Variants in SYNE1 observed in about 807,000 individuals in gnomAD.
SYNE1 encodes the protein spectrin repeat containing nuclear envelope protein 1, also known as nesprin-1.
In SYNE1, 616 loss-of-function variants were observed where a neutral mutation model predicts 1,111.0. That is an observed-to-expected ratio of 0.55 (90% CI 0.52 to 0.59). The LOEUF (loss-of-function observed/expected upper bound fraction) is 0.59, where lower values mean the gene tolerates loss of function less well. Ranked by LOEUF, SYNE1 falls within the 20% of genes least tolerant of loss-of-function variation. SYNE1 has a pLI of 0.00. For missense variants in SYNE1, 10,006 were observed against 10,417.0 expected (o/e 0.96, Z 1.72); for synonymous variants, 3,855 against 3,825.8 (o/e 1.01, Z -0.28).
chr6:152,251,827 G>A (rs2089383370), intron 104 of SYNE1, among the ~76,000 whole-genome samples: 2 of 152,078 alleles, frequency 1.3e-5, no homozygotes, highest in South Asian at 2.1e-4. Context: ...TTACACTTGC[G>A]ATACAACAGG....
At chr6:152,556,707 G>A (rs1008536694) in intron 3 of SYNE1, among the ~76,000 whole-genome samples, 14 of 152,152 alleles carry the variant, frequency 9.2e-5, no homozygotes, top group South Asian at 2.1e-4. Flanking sequence ...GTCCCCTGAC[G>A]AAAACATCAG....
In SYNE1 at chr6:152,444,447, A is replaced by AT; in HGVS notation, c.3800dup (p.Asn1267LysfsTer4). The AT allele has an allele frequency of 6.2e-7, 1 of 1,613,936 alleles. No individual in the cohort carries two copies. The highest frequency in any genetic ancestry group is 8.5e-7 in the Non-Finnish European group (1 of 1,179,940). Reference sequence around the variant, plus strand: ...GAAGTAACTGCTGTGCTTCAAACAGATTTTCAGTATCCAAGATCTTCTCAG... The same window carrying AT: ...GAAGTAACTGCTGTGCTTCAAACAGATTTTTCAGTATCCAAGATCTTCTCAG... On this transcript the variant is annotated frameshift_variant, in exon 30 of 146. Transcript: ENST00000367255. LOFTEE classifies it high-confidence loss of function.
At chr6:152,353,532 G>C (rs1371642827) in intron 68 of SYNE1, 57 bp downstream of exon 68, 6 of 1,613,762 alleles carry the variant, frequency 3.7e-6, no homozygotes, top group East Asian at 2.2e-5. Context: ...TGAAAGGAAG[G>C]CTATTTTGGC....
chr6:152,289,925 CTTT>C (rs71017532), intron 95 of SYNE1, among the ~76,000 whole-genome samples: 2,135 of 129,930 alleles, frequency 0.016, 68 homozygotes, highest in African/African-American at 0.057. Context: ...CGCGCCCAGC[CTTT>C]TTTTTTTTTT....
intron 76 of SYNE1, chr6:152,336,162 A>T (rs1370587400): frequency 1.4e-5 from 2 of 140,880 alleles, no homozygotes; most frequent in African/African-American, 5.3e-5. Context: ...AAAAAAGAAT[A>T]ATGTTCCATG....
intron 122 of SYNE1, 74 bp from the exon 123 acceptor site, chr6:152,213,833 T>C (rs538215635): frequency 1.9e-6 from 3 of 1,584,418 alleles, no homozygotes; most frequent in East Asian, 4.5e-5. Flanking sequence ...TAAAACTAGA[T>C]TAAATAATCT....
intron 6 of SYNE1, 114 bp from the exon 7 acceptor site, chr6:152,511,217 A>C: frequency 2.2e-6 from 2 of 928,262 alleles, no homozygotes; most frequent in Non-Finnish European, 3.5e-6. Context: ...TGCCTATGTA[A>C]TAGTACATGG....
chr6:152,323,624 G>C lies in SYNE1; in HGVS notation c.15771C>G (p.Phe5257Leu), dbSNP rs763330101. The change falls in exon 82 of 146, where the codon TTC (phenylalanine) becomes TTG (leucine). Residue 5257 changes from phenylalanine to leucine, a missense_variant. Around this residue, in one of 7 missense-constraint regions of SYNE1, gnomAD observed 4,955 missense variants for 5,017.2 expected, o/e 0.99. Coordinates refer to ENST00000367255, the MANE Select transcript of SYNE1 (RefSeq NM_182961.4). ...ACTGCTGCTGCTCCAGCTCCAGAAC[G>C]AACGTGTCGTGGTATTCAAGAAGAG... ...LLTLLEYHDTFVLELEQQQSA... is the reference protein window; with the variant it reads ...LLTLLEYHDTLVLELEQQQSA... The C allele has an allele frequency of 1.9e-6, 3 of 1,614,200 alleles. No individual in the cohort carries two copies. The highest frequency in any genetic ancestry group is 2.2e-5 in the East Asian group (1 of 44,878).
intron 129 of SYNE1, among the ~76,000 whole-genome samples, chr6:152,178,215 C>A (rs1449711244): frequency 6.6e-6 from 1 of 151,614 alleles, no homozygotes; most frequent in African/African-American, 2.4e-5. Flanking sequence ...TTTCCCCACA[C>A]TCTCACAATA....
Position 152,455,983 on chromosome 6 carries a change from T to C in SYNE1, c.2630A>G (p.Gln877Arg), listed in dbSNP as rs369192821. ...KTLTLIEKGS[Q>R]SVQKFVTLSN... ...CAAGGTCACAAACTTTTGAACACTT[T>C]GACTGCCTTTCTCAATAAGTGTCAA... The change falls in exon 23 of 146, where the codon CAA (glutamine) becomes CGA (arginine). Residue 877 changes from glutamine (Q) to arginine (R), a missense_variant. Around this residue, in one of 7 missense-constraint regions of SYNE1, gnomAD observed 1,971 missense variants for 2,084.1 expected, o/e 0.95. Coordinates refer to ENST00000367255, the MANE Select transcript of SYNE1 (RefSeq NM_182961.4). 8.9e-5 allele frequency: 143 copies of C among 1,614,012 alleles called. No homozygotes were observed. The highest frequency in any genetic ancestry group is 1.1e-4 in the Non-Finnish European group (132 of 1,180,014).
At chr6:152,456,788 T>C (rs1383712377) in intron 22 of SYNE1, 1 of 442,228 alleles carries the variant, frequency 2.3e-6, no homozygotes, top group Non-Finnish European at 4.5e-6. Context: ...ACCATTTGCA[T>C]TTCAGTATCC....
intron 95 of SYNE1, among the ~76,000 whole-genome samples, chr6:152,286,220 T>A (rs1399063776): frequency 6.6e-6 from 1 of 152,238 alleles, no homozygotes; most frequent in Non-Finnish European, 1.5e-5. Context: ...TATATATCCA[T>A]GCTGCTGCTA....
Position 152,425,378 on chromosome 6 carries a change from A to T in SYNE1, c.5267+3T>A, listed in dbSNP as rs113959194. ...ATTAGAAGATTTATCTTTTAGAACCAACCTTTTGTTAATGATCTGTGGTAA... is the reference window on the plus strand; with the variant it reads ...ATTAGAAGATTTATCTTTTAGAACCTACCTTTTGTTAATGATCTGTGGTAA... On this transcript the variant is annotated splice_donor_region_variant and intron_variant, in intron 39 of 145. Coordinates refer to ENST00000367255, the MANE Select transcript of SYNE1 (RefSeq NM_182961.4). The T allele has an allele frequency of 1.9e-6, 3 of 1,613,998 alleles. No homozygotes were observed. In the East Asian group the frequency reaches 6.7e-5, roughly 36 times the overall value.
intron 58 of SYNE1, among the ~76,000 whole-genome samples, chr6:152,373,524 C>A (rs1233083502): frequency 6.6e-6 from 1 of 152,086 alleles, no homozygotes; most frequent in Non-Finnish European, 1.5e-5. Context: ...TTGTGATCTG[C>A]CCACCTTGGC....
At chr6:152,375,031 C>G (rs2097256022) in intron 58 of SYNE1, among the ~76,000 whole-genome samples, 2 of 151,828 alleles carry the variant, frequency 1.3e-5, no homozygotes, top group South Asian at 4.1e-4. Flanking sequence ...ATCTCTGCCT[C>G]CTGGGTTCAG....
intron 3 of SYNE1, among the ~76,000 whole-genome samples, chr6:152,617,948 G>A (rs1277998381): frequency 4.6e-5 from 7 of 152,200 alleles, no homozygotes; most frequent in African/African-American, 1.4e-4. Flanking sequence ...TATAGAGGCT[G>A]AGTAGAAATG....
chr6:152,301,774 G>T, intron 92 of SYNE1, 95 bp downstream of exon 92: 2 of 1,333,322 alleles, frequency 1.5e-6, no homozygotes, highest in Non-Finnish European at 2.0e-6. Context: ...AAGATCGAAG[G>T]CTGGTCCCTG....
At chr6:152,355,036 CA>C in intron 66 of SYNE1, 60 bp from the exon 67 acceptor site, 1 of 1,589,974 alleles carries the variant, frequency 6.3e-7, no homozygotes, top group Non-Finnish European at 8.6e-7. Flanking sequence ...CATGGGTTAG[CA>C]TGTCTTGCCC....
Position 152,330,974 on chromosome 6 carries a change from A to T in SYNE1, c.13711T>A (p.Phe4571Ile). ...LVSRKHFKED[F>I]DKACHWLKQA... Reference sequence around the variant, plus strand: ...TTTAGCCAGTGGCAAGCTTTATCAAAATCTTCCTTAAAATGCTTCCTAGAA... The same window carrying T: ...TTTAGCCAGTGGCAAGCTTTATCAATATCTTCCTTAAAATGCTTCCTAGAA... The change falls in exon 78 of 146, where the codon TTT (phenylalanine) becomes ATT (isoleucine). Residue 4571 changes from phenylalanine (F) to isoleucine (I), a missense_variant. Physicochemically the swap from Phe to Ile is conservative, Grantham distance 21. This residue lies in a region of SYNE1 where 4,955 missense variants were observed against 5,017.2 expected (regional missense o/e 0.99). Coordinates refer to ENST00000367255, the MANE Select transcript of SYNE1 (RefSeq NM_182961.4). 6.2e-7 allele frequency: 1 copy of T among 1,614,178 alleles called. No homozygotes were observed. Among genetic ancestry groups the T allele is most frequent in the Non-Finnish European group, 8.5e-7 (1 of 1,180,044 alleles).
Sources: gnomAD v4.1 joint callset for allele counts (sites outside exome capture counted in the v4.1 genomes callset) on GRCh38, gnomAD v4.1.1 for gene constraint, gnomAD v4.1.1 regional missense constraint, MANE v1.5 for transcripts, NCBI Gene and HGNC (gene_info 2026-07-23, HGNC 2026-07-21) for gene names.